Variants in AUTS2 observed in about 807,000 individuals in gnomAD.
The protein encoded by AUTS2 is autism susceptibility gene 2 protein.
Under a neutral mutation model 112.4 loss-of-function variants are expected in AUTS2, and 17 were observed. The observed-to-expected ratio is 0.15, with a 90% CI of 0.10 to 0.23. The LOEUF (loss-of-function observed/expected upper bound fraction) is 0.23, where lower values mean the gene tolerates loss of function less well. Among genes scored for constraint, AUTS2 ranks in the 10% least tolerant of loss-of-function variants. The pLI is 1.00. For missense variants in AUTS2, 1,510 were observed against 1,701.6 expected (o/e 0.89, Z 1.98); for synonymous variants, 751 against 702.7 (o/e 1.07, Z -1.09).
intron 5 of AUTS2, among the ~76,000 whole-genome samples, chr7:70,628,335 TATATA>T: frequency 2.2e-4 from 1 of 4,530 alleles, no homozygotes; most frequent in South Asian, 9.8e-3. Context: ...TATACATATA[TATATA>T]GTATATATAT....
chr7:70,638,061 A>C (rs1396041931), intron 5 of AUTS2, among the ~76,000 whole-genome samples: 3 of 152,146 alleles, frequency 2.0e-5, no homozygotes, highest in African/African-American at 7.2e-5. Context: ...AAGACACAGA[A>C]GTCTCCTGAG....
intron 5 of AUTS2, among the ~76,000 whole-genome samples, chr7:70,447,632 C>T (rs1045216070): frequency 5.9e-5 from 9 of 152,118 alleles, no homozygotes; most frequent in Non-Finnish European, 1.0e-4. Context: ...TGCTCTTAGC[C>T]GCTAAGCTGG....
intron 4 of AUTS2, among the ~76,000 whole-genome samples, chr7:70,169,458 C>G (rs781597430): frequency 4.6e-5 from 7 of 151,980 alleles, no homozygotes; most frequent in Middle Eastern, 6.4e-3. Flanking sequence ...AGCCAGGACG[C>G]TTTTGATCTC....
intron 5 of AUTS2, among the ~76,000 whole-genome samples, chr7:70,692,347 T>A (rs1239131827): frequency 1.3e-5 from 2 of 152,226 alleles, no homozygotes; most frequent in Non-Finnish European, 2.9e-5. Flanking sequence ...CCGATTTTGC[T>A]AGAACAACAA....
chr7:69,665,756 T>C (rs1316005556), intron 1 of AUTS2, among the ~76,000 whole-genome samples: 2 of 152,216 alleles, frequency 1.3e-5, no homozygotes, highest in Admixed American at 1.3e-4. Context: ...CAGAGTATAA[T>C]AATAAATTTT....
At chr7:70,419,437 TG>T (rs1795122063) in intron 4 of AUTS2, among the ~76,000 whole-genome samples, 1 of 33,154 alleles carries the variant, frequency 3.0e-5, no homozygotes, top group Admixed American at 3.5e-4. Context: ...CACTGGGGGC[TG>T]GGGGGTGGGG....
In AUTS2 at chr7:70,433,156, G is replaced by A. The variant is rs142879577; in HGVS notation, c.661-2596G>A. 2.6e-4 allele frequency among the ~76,000 whole-genome samples: 40 copies of A among 152,322 alleles called. No homozygotes were observed. In the East Asian group the frequency reaches 6.7e-3, roughly 26 times the overall value. ...GAAATTAGAACTGGACTGTTGGAAA[G>A]CAGGAAGCTTAACACTTTGATAGAA... On this transcript the variant is annotated intron_variant, in intron 4 of 18. Transcript: ENST00000342771.
chr7:70,279,960 TC>T (rs1161031921), intron 4 of AUTS2, among the ~76,000 whole-genome samples: 1 of 152,198 alleles, frequency 6.6e-6, no homozygotes, highest in African/African-American at 2.4e-5. Flanking sequence ...TGGGTTGGAA[TC>T]CCACCTCCTC....
chr7:69,698,921 A>G (rs1186176963), intron 1 of AUTS2, among the ~76,000 whole-genome samples: 1 of 152,170 alleles, frequency 6.6e-6, no homozygotes, highest in Non-Finnish European at 1.5e-5. Flanking sequence ...CATAGGAGGT[A>G]AGATAGATTT....
rs1793150170 is a variant in AUTS2 at position 70,377,355 on chromosome 7, T to TATATAGTG, written c.661-58392_661-58391insGTGATATA. 4.3e-5 allele frequency among the ~76,000 whole-genome samples: 5 copies of TATATAGTG among 116,304 alleles called. No homozygotes were observed. In the South Asian group the frequency reaches 1.4e-3, roughly 32 times the overall value. The allele number at this position is 116,304 out of a possible 152,430, so 76.3% of individuals were successfully genotyped here. A position where few individuals can be genotyped will look rare whatever the true frequency, so the allele number is the denominator to read the frequency against. Reference sequence around the variant, plus strand: ...ATATATATATATATATATATATATATATATATATATATATATATAGTGATA... The same window carrying TATATAGTG: ...ATATATATATATATATATATATATATATATAGTGATATATATATATATATATAGTGATA... On this transcript the variant is annotated intron_variant, in intron 4 of 18. Transcript: ENST00000342771.
intron 2 of AUTS2, among the ~76,000 whole-genome samples, chr7:69,981,920 ATCTTC>A (rs1338881107): frequency 3.9e-5 from 6 of 152,160 alleles, no homozygotes; most frequent in Non-Finnish European, 8.8e-5. Context: ...ATTTGTGCTT[ATCTTC>A]TCTTAGTTTC....
chr7:69,760,697 T>C (rs1788149255), intron 1 of AUTS2, among the ~76,000 whole-genome samples: 1 of 152,162 alleles, frequency 6.6e-6, no homozygotes, highest in Non-Finnish European at 1.5e-5. Context: ...GGCACAAGTC[T>C]GTAATCCCAG....
chr7:70,115,352 T>C (rs1479108454), intron 2 of AUTS2, among the ~76,000 whole-genome samples: 1 of 152,222 alleles, frequency 6.6e-6, no homozygotes, highest in Non-Finnish European at 1.5e-5. Flanking sequence ...TATTAGTTTT[T>C]TAAATAGAGA....
intron 6 of AUTS2, among the ~76,000 whole-genome samples, chr7:70,719,901 A>G (rs1184960788): frequency 1.3e-5 from 2 of 152,176 alleles, no homozygotes; most frequent in Non-Finnish European, 2.9e-5. Context: ...GTAATTTAGG[A>G]TGATGTTACT....
intron 4 of AUTS2, among the ~76,000 whole-genome samples, chr7:70,354,152 T>G (rs1791887028): frequency 6.6e-6 from 1 of 152,268 alleles, no homozygotes; most frequent in Non-Finnish European, 1.5e-5. Flanking sequence ...TGTCCCTGTC[T>G]GGCTTTCCTT....
chr7:70,399,895 C>CGGT (rs1362778845), intron 4 of AUTS2, among the ~76,000 whole-genome samples: 4 of 152,072 alleles, frequency 2.6e-5, no homozygotes, highest in African/African-American at 9.7e-5. Flanking sequence ...ATTTAGTGTG[C>CGGT]GGTGGTAAGC....
chr7:69,773,772 C>T (rs1285314228), intron 1 of AUTS2, among the ~76,000 whole-genome samples: 1 of 152,204 alleles, frequency 6.6e-6, no homozygotes, highest in Non-Finnish European at 1.5e-5. Context: ...CATGGCAGAG[C>T]CAGGAGTATC....
chr7:70,036,687 T>TG (rs1801018001), intron 2 of AUTS2, among the ~76,000 whole-genome samples: 1 of 152,180 alleles, frequency 6.6e-6, no homozygotes, highest in Admixed American at 6.5e-5. Context: ...CTTGGGCCTG[T>TG]GGGTCTGTGG....
chr7:70,765,950 T>C (rs1489946973), intron 8 of AUTS2, among the ~76,000 whole-genome samples, 164 bp from the exon 9 acceptor site: 1 of 152,110 alleles, frequency 6.6e-6, no homozygotes, highest in Admixed American at 6.5e-5. Context: ...GACCGGGCCT[T>C]GGTCTCGTCT....
Sources: allele counts gnomAD v4.1 joint callset (sites outside exome capture counted in the v4.1 genomes callset), GRCh38; gene constraint gnomAD v4.1.1; transcripts MANE v1.5; gene names NCBI Gene and HGNC (gene_info 2026-07-23, HGNC 2026-07-21).